DCTN6: variants seen among roughly 807,000 people sequenced by gnomAD.
DCTN6 encodes the protein dynactin 6.
Under a neutral mutation model 25.8 loss-of-function variants are expected in DCTN6, and 15 were observed. The observed-to-expected ratio is 0.58, with a 90% CI of 0.39 to 0.89. DCTN6 has a LOEUF of 0.89. Among genes scored for constraint, DCTN6 ranks in the 40% least tolerant of loss-of-function variants. The pLI, the probability that DCTN6 is intolerant of heterozygous loss-of-function variation, is 0.00. For synonymous variants in DCTN6, 64 were observed against 78.3 expected (o/e 0.82, Z 0.96); for missense variants, 198 against 237.6 (o/e 0.83, Z 1.09).
chr8:30,179,955 A>G (rs1803890843), intron 5 of DCTN6, among the ~76,000 whole-genome samples: 1 of 152,124 alleles, frequency 6.6e-6, no homozygotes, highest in Admixed American at 6.5e-5. Context: ...TCCAGAAAAA[A>G]CCTGAATGAT....
At chr8:30,180,699 A>T in intron 6 of DCTN6, 69 bp downstream of exon 6, 1 of 1,533,038 alleles carries the variant, frequency 6.5e-7, no homozygotes, top group Non-Finnish European at 8.9e-7. Flanking sequence ...AATTGTCTTC[A>T]TGAGGCAGCA....
At chr8:30,178,046 A>G (rs1185364601) in intron 4 of DCTN6, among the ~76,000 whole-genome samples, 6 of 152,218 alleles carry the variant, frequency 3.9e-5, no homozygotes, top group African/African-American at 7.2e-5. Context: ...TTTTAGGTAG[A>G]CAATGCATTG....
At chr8:30,171,310 T>A (rs1293073811) in intron 2 of DCTN6, among the ~76,000 whole-genome samples, 1 of 151,978 alleles carries the variant, frequency 6.6e-6, no homozygotes, top group African/African-American at 2.4e-5. Flanking sequence ...AGTACAGTGG[T>A]ACAATCATTG....
intron 1 of DCTN6, among the ~76,000 whole-genome samples, chr8:30,161,165 G>A (rs1024984974): frequency 5.3e-5 from 8 of 152,048 alleles, no homozygotes; most frequent in South Asian, 2.1e-4. Flanking sequence ...TTTTTCCTGC[G>A]CTCACACTGT....
intron 1 of DCTN6, among the ~76,000 whole-genome samples, chr8:30,156,888 G>A (rs1351824601): frequency 6.6e-6 from 1 of 152,150 alleles, no homozygotes; most frequent in Non-Finnish European, 1.5e-5. Flanking sequence ...GTGTGTAAAG[G>A]GATTTACGGT....
intron 4 of DCTN6, among the ~76,000 whole-genome samples, chr8:30,177,721 G>A (rs1334710722): frequency 6.6e-6 from 1 of 152,010 alleles, no homozygotes; most frequent in Non-Finnish European, 1.5e-5. Context: ...CTTCTCAAAA[G>A]AGAATAAAAA....
At chr8:30,176,453 GA>G (rs1290886076) in intron 3 of DCTN6, 17 of 152,400 alleles carry the variant, frequency 1.1e-4, no homozygotes, top group African/African-American at 4.1e-4. Flanking sequence ...AGAATCGCTT[GA>G]AGCTGGGAGG....
In DCTN6 at chr8:30,180,481, A is replaced by G. The variant is rs912069777; in HGVS notation, c.332-7A>G. On this transcript the variant is annotated splice_region_variant and splice_polypyrimidine_tract_variant and intron_variant, in intron 5 of 6. Transcript: ENST00000221114. ...AAGTTGCAGTTCTTTCTGTGTTTTT[A>G]TTGCAGCATATGTAGGCAGAAATGT... is the stretch of plus-strand genomic sequence containing the variant. The G allele has an allele frequency of 1.1e-5, 18 of 1,607,442 alleles. No individual in the cohort carries two copies. Among genetic ancestry groups the G allele is most frequent in the Non-Finnish European group, 1.0e-5 (12 of 1,176,192 alleles).
chr8:30,159,814 T>G (rs1453150554), intron 1 of DCTN6, among the ~76,000 whole-genome samples: 1 of 150,510 alleles, frequency 6.6e-6, no homozygotes, highest in Non-Finnish European at 1.5e-5. Flanking sequence ...CAGGCTGGAG[T>G]GCAGTGGTGC....
At chr8:30,177,021 C>T in intron 3 of DCTN6, 105 bp from the exon 4 acceptor site, 2 of 774,248 alleles carry the variant, frequency 2.6e-6, no homozygotes, top group South Asian at 1.7e-5. Flanking sequence ...GTCTTTTAAG[C>T]TTGATGTAGG....
Position 30,183,338 on chromosome 8 carries a change from T to C in DCTN6, c.*165T>C. 1 of 452,888 alleles carries C rather than the reference T, an allele frequency of 2.2e-6. No homozygotes were observed. The highest frequency in any genetic ancestry group is 3.9e-6 in the Non-Finnish European group (1 of 258,020). 28.1% of individuals were successfully genotyped at this position (452,888 alleles called of 1,614,324 possible). On this transcript the variant is annotated 3_prime_UTR_variant, in exon 7 of 7. Transcript: ENST00000221114. Reference sequence around the variant, plus strand: ...AATGGAGTTTCATTGTAACTGTCCTTTGTAATTTATATAAATGTATTATTT... The same window carrying C: ...AATGGAGTTTCATTGTAACTGTCCTCTGTAATTTATATAAATGTATTATTT...
intron 1 of DCTN6, among the ~76,000 whole-genome samples, chr8:30,159,988 T>C (rs1176891613): frequency 6.6e-6 from 1 of 152,004 alleles, no homozygotes; most frequent in Non-Finnish European, 1.5e-5. Context: ...TTTTGGTTGT[T>C]TTTCTGGCAT....
In DCTN6 at chr8:30,175,174, G is replaced by A; in HGVS notation, c.178G>A (p.Ala60Thr). The change falls in exon 3 of 7, where the codon GCC becomes ACC. Residue 60 changes from alanine to threonine, a missense_variant. Ala to Thr is a moderately conservative substitution (Grantham distance 58). Transcript: ENST00000221114. ...IGEGNLIEEQ[A>T]LIINAYPDNI... ...CGAAGGGAACCTAATAGAAGAACAG[G>A]CCCTTATCATAAATGCGTAAGACTC... is the stretch of plus-strand genomic sequence containing the variant. 6.2e-7 allele frequency: 1 copy of A among 1,613,844 alleles called. No individual in the cohort carries two copies. Among genetic ancestry groups the A allele is most frequent in the African/African-American group, 1.3e-5 (1 of 75,004 alleles).
At chr8:30,161,007 T>C (rs1051389962) in intron 1 of DCTN6, among the ~76,000 whole-genome samples, 2 of 152,240 alleles carry the variant, frequency 1.3e-5, no homozygotes, top group Non-Finnish European at 2.9e-5. Flanking sequence ...GTGCATTTGA[T>C]ATGGTTTGGC....
intron 3 of DCTN6, 75 bp downstream of exon 3, chr8:30,175,265 C>A: frequency 7.7e-7 from 1 of 1,300,040 alleles, no homozygotes; most frequent in Non-Finnish European, 1.1e-6. Context: ...TCTGTAAGAA[C>A]CTTTTCAGCT....
chr8:30,159,537 C>T (rs184976096), intron 1 of DCTN6, among the ~76,000 whole-genome samples: 1 of 152,268 alleles, frequency 6.6e-6, no homozygotes, highest in East Asian at 1.9e-4. Flanking sequence ...TTAGAACTCT[C>T]TTATGAGCTT....
At chr8:30,156,726 C>T in intron 1 of DCTN6, among the ~76,000 whole-genome samples, 1 of 152,156 alleles carries the variant, frequency 6.6e-6, no homozygotes, top group East Asian at 1.9e-4. Context: ...CAGCTTTTTC[C>T]TGGGGAAGGC....
chr8:30,175,131 C>T lies in DCTN6; in HGVS notation c.135C>T (p.Ala45=), dbSNP rs140726013. ...CTAAAGCAAGAATTATTGCGGAAGC[C>T]GGGCCAATAGTGATTGGCGAAGGGA... ...IHPKARIIAE[A]GPIVIGEGNL... is the part of the protein sequence containing the mutation. Residue 45 remains alanine (A), a synonymous_variant, in exon 3 of 7, where the codon GCC becomes GCT. Coordinates refer to ENST00000221114, the MANE Select transcript of DCTN6 (RefSeq NM_006571.4). The T allele has an allele frequency of 1.2e-4, 194 of 1,614,034 alleles. No individual in the cohort carries two copies. In the African/African-American group the frequency reaches 2.3e-3, roughly 19 times the overall value.
At position 30,175,191 on chromosome 8, in the gene DCTN6, G is replaced by A. The variant is rs759641254; in HGVS notation, c.194+1G>A. ...AAGAACAGGCCCTTATCATAAATGC[G>A]TAAGACTCTTATACATACTGTGAAC... On this transcript the variant is annotated splice_donor_variant, in intron 3 of 6. Transcript: ENST00000221114. LOFTEE classifies it high-confidence loss of function. 8.1e-6 allele frequency: 13 copies of A among 1,611,896 alleles called. No homozygotes were observed. Among genetic ancestry groups the A allele is most frequent in the South Asian group, 3.3e-5 (3 of 90,948 alleles).
Sources: gnomAD v4.1 joint callset for allele counts (sites outside exome capture counted in the v4.1 genomes callset) on GRCh38, gnomAD v4.1.1 for gene constraint, MANE v1.5 for transcripts, NCBI Gene and HGNC (gene_info 2026-07-23, HGNC 2026-07-21) for gene names.